SLC25A27: variants seen among roughly 807,000 people sequenced by gnomAD.
The protein encoded by SLC25A27 is solute carrier family 25 member 27.
In SLC25A27, 35 loss-of-function variants were observed where a neutral mutation model predicts 49.1. That is an observed-to-expected ratio of 0.71 (90% confidence interval 0.54 to 0.95). The LOEUF (loss-of-function observed/expected upper bound fraction) is 0.95. Among genes scored for constraint, SLC25A27 ranks in the 40% least tolerant of loss-of-function variants. The probability of loss-of-function intolerance (pLI) is 0.00; values close to 1 mark genes in which losing one functional copy is unlikely to be tolerated. For synonymous variants in SLC25A27, 144 were observed against 136.9 expected (o/e 1.05, Z -0.36); for missense variants, 339 against 397.1 (o/e 0.85, Z 1.24).
intron 1 of SLC25A27, among the ~76,000 whole-genome samples, chr6:46,655,531 GTTTGTTTTTTTTTTTTTTTTTTTTTTTT>G (rs1399035854): frequency 5.1e-5 from 5 of 98,548 alleles, no homozygotes; most frequent in African/African-American, 1.5e-4. Context: ...TATTGTTAAT[GTTTGTTTTTTTTTTTTTTTTTTTTTTTT>G]TTTTTTTTTT....
At chr6:46,669,500 T>C (rs1763442259) in intron 6 of SLC25A27, among the ~76,000 whole-genome samples, 1 of 152,212 alleles carries the variant, frequency 6.6e-6, no homozygotes, top group Non-Finnish European at 1.5e-5. Context: ...TAAAACTTCC[T>C]ATGCTATTTA....
intron 4 of SLC25A27, 91 bp downstream of exon 4, chr6:46,662,589 C>A: frequency 7.5e-7 from 1 of 1,338,940 alleles, no homozygotes; most frequent in South Asian, 1.4e-5. Context: ...ATCCAGTATG[C>A]AGTAAAGATA....
chr6:46,675,877 G>A (rs1472979165), intron 8 of SLC25A27, among the ~76,000 whole-genome samples: 1 of 152,092 alleles, frequency 6.6e-6, no homozygotes, highest in Non-Finnish European at 1.5e-5. Flanking sequence ...GAGACATCAG[G>A]TGTTGGTTTT....
Position 46,653,248 on chromosome 6 carries a change from G to T in SLC25A27, c.56G>T (p.Arg19Leu). 1 of 1,613,682 alleles carries T rather than the reference G, an allele frequency of 6.2e-7. No homozygotes were observed. The change falls in exon 1 of 9, where the codon CGA (arginine) becomes CTA (leucine). Residue 19 changes from arginine (R) to leucine (L), a missense_variant. Arg to Leu is a moderately radical substitution (Grantham distance 102). Coordinates refer to ENST00000371347, the MANE Select transcript of SLC25A27 (RefSeq NM_004277.5). ...RLLPLTQRWP[R>L]ASKFLLSGCA... Reference sequence around the variant, plus strand: ...TTGCCGCTGACCCAGAGATGGCCCCGAGCGAGCAAATTCCTACTGTCCGGC... The same window carrying T: ...TTGCCGCTGACCCAGAGATGGCCCCTAGCGAGCAAATTCCTACTGTCCGGC...
At position 46,676,677 on chromosome 6, in the gene SLC25A27, A is replaced by T; in HGVS notation, c.*223A>T. On this transcript the variant is annotated 3_prime_UTR_variant, in exon 9 of 9. Coordinates refer to ENST00000371347, the MANE Select transcript of SLC25A27 (RefSeq NM_004277.5). ...TGGTCGGATCTCACAAGGCCATCCA[A>T]TGAGACCCCGCACAGCATTTTCTAA... 1 of 1,550,722 alleles carries T rather than the reference A, an allele frequency of 6.4e-7. No individual in the cohort carries two copies. The highest frequency in any genetic ancestry group is 1.2e-5 in the South Asian group (1 of 84,054).
chr6:46,660,255 TAG>T (rs1204203616), intron 3 of SLC25A27, among the ~76,000 whole-genome samples: 22 of 151,024 alleles, frequency 1.5e-4, no homozygotes, highest in Admixed American at 4.0e-4. Flanking sequence ...TGTGTGTGTA[TAG>T]AGAGAGAGAG....
At position 46,678,031 on chromosome 6, in the gene SLC25A27, T is replaced by TATATATATATATATATAC. The variant is rs1763862980; in HGVS notation, c.*1594_*1595insCATATATATATATATATA. 1.1e-4 allele frequency: 1 copy of TATATATATATATATATAC among 8,984 alleles called. No homozygotes were observed. The highest frequency in any genetic ancestry group is 1.9e-3 in the Admixed American group (1 of 530). 0.6% of individuals were successfully genotyped at this position (8,984 alleles called of 1,614,324 possible). ...AATATGTAATTGCGTTGTAAAATAT[T>TATATATATATATATATAC]ATATATATATATATATATATATATA... On this transcript the variant is annotated 3_prime_UTR_variant, in exon 9 of 9. Coordinates refer to ENST00000371347, the MANE Select transcript of SLC25A27 (RefSeq NM_004277.5).
intron 2 of SLC25A27, chr6:46,658,570 A>G (rs1157420295): frequency 2.4e-6 from 1 of 422,046 alleles, no homozygotes; most frequent in South Asian, 1.7e-5. Flanking sequence ...ACAAACACAT[A>G]GAGCCTGCCT....
chr6:46,666,658 T>C (rs1477725019), intron 5 of SLC25A27, among the ~76,000 whole-genome samples: 4 of 152,204 alleles, frequency 2.6e-5, no homozygotes, highest in Non-Finnish European at 5.9e-5. Flanking sequence ...AGCTATTTAC[T>C]CAGTATCTTC....
At position 46,671,147 on chromosome 6, in the gene SLC25A27, G is replaced by C. The variant is rs753068639; in HGVS notation, c.819G>C (p.Ser273=). 6.3e-7 allele frequency: 1 copy of C among 1,599,220 alleles called. No individual in the cohort carries two copies. Residue 273 remains serine, a synonymous_variant, in exon 8 of 9, where the codon TCG becomes TCC. Transcript: ENST00000371347. The stretch of plus-strand genomic sequence containing the variant: ...TTAGGGGACTTTTGTATAAATCATC[G>C]ACTGACTGCTTGATTCAGGCTGTTC... ...KQGRGLLYKS[S]TDCLIQAVQG...
intron 1 of SLC25A27, among the ~76,000 whole-genome samples, chr6:46,654,541 T>C (rs914401478): frequency 6.6e-6 from 1 of 152,208 alleles, no homozygotes; most frequent in Admixed American, 6.5e-5. Context: ...GGACTATTCC[T>C]CGTTAAAAAT....
intron 5 of SLC25A27, among the ~76,000 whole-genome samples, chr6:46,666,114 A>G (rs1370293422): frequency 6.6e-6 from 1 of 151,992 alleles, no homozygotes; most frequent in Non-Finnish European, 1.5e-5. Context: ...CTCCTCTCCT[A>G]CATAGTTTTC....
At chr6:46,673,403 C>G (rs1244465146) in intron 8 of SLC25A27, among the ~76,000 whole-genome samples, 1 of 152,180 alleles carries the variant, frequency 6.6e-6, no homozygotes, top group Non-Finnish European at 1.5e-5. Context: ...CCCAATAACA[C>G]AGCCTTATTA....
chr6:46,659,378 C>T (rs564218346), intron 3 of SLC25A27, among the ~76,000 whole-genome samples: 50 of 152,236 alleles, frequency 3.3e-4, no homozygotes, highest in African/African-American at 1.0e-3. Flanking sequence ...ACTGTATAAC[C>T]TGGACAAACT....
rs781682308 is a variant in SLC25A27 at position 46,653,283 on chromosome 6, A to G, written c.91A>G (p.Thr31Ala). The G allele has an allele frequency of 3.1e-6, 5 of 1,612,468 alleles. No individual in the cohort carries two copies. The South Asian group carries it at 5.5e-5, about 18-fold the overall frequency. ...SKFLLSGCAATVAELATFPLD... is the reference protein window; with the variant it reads ...SKFLLSGCAAAVAELATFPLD... ...ATTCCTACTGTCCGGCTGCGCGGCTACCGTGGCCGAGCTAGGTACCCGGCT... is the reference window on the plus strand; with the variant it reads ...ATTCCTACTGTCCGGCTGCGCGGCTGCCGTGGCCGAGCTAGGTACCCGGCT... The change falls in exon 1 of 9, where the codon ACC becomes GCC. Residue 31 changes from threonine to alanine, a missense_variant. Transcript: ENST00000371347.
Position 46,671,176 on chromosome 6 carries a change from G to T in SLC25A27, c.848G>T (p.Gly283Val). Residue 283 changes from glycine to valine, a missense_variant, in exon 8 of 9, where the codon GGT becomes GTT. Physicochemically the swap from Gly to Val is moderately radical, Grantham distance 109. Transcript: ENST00000371347. The stretch of plus-strand genomic sequence containing the variant: ...GACTGCTTGATTCAGGCTGTTCAAG[G>T]TGAAGGATTCATGAGTCTATATAAA... ...STDCLIQAVQ[G>V]EGFMSLYKGF... The T allele has an allele frequency of 1.2e-6, 2 of 1,603,026 alleles. No individual in the cohort carries two copies. Among genetic ancestry groups the T allele is most frequent in the Non-Finnish European group, 1.7e-6 (2 of 1,175,670 alleles).
At chr6:46,665,904 C>T (rs1318329064) in intron 5 of SLC25A27, among the ~76,000 whole-genome samples, 5 of 152,172 alleles carry the variant, frequency 3.3e-5, no homozygotes, top group African/African-American at 1.2e-4. Flanking sequence ...TAAAACTTGT[C>T]ACTGGCTTAT....
In SLC25A27 at chr6:46,671,187, A is replaced by G. The variant is rs746515242; in HGVS notation, c.859A>G (p.Met287Val). ...LIQAVQGEGF[M>V]SLYKGFLPSW... is the part of the protein sequence containing the mutation. ...TCAGGCTGTTCAAGGTGAAGGATTCATGAGTCTATATAAAGGCTTTTTACC... is the reference window on the plus strand; with the variant it reads ...TCAGGCTGTTCAAGGTGAAGGATTCGTGAGTCTATATAAAGGCTTTTTACC... The change falls in exon 8 of 9, where the codon ATG becomes GTG. Residue 287 changes from methionine to valine, a missense_variant. Transcript: ENST00000371347. The G allele has an allele frequency of 6.2e-7, 1 of 1,602,686 alleles. No individual in the cohort carries two copies. The highest frequency in any genetic ancestry group is 1.7e-5 in the Admixed American group (1 of 58,058).
At chr6:46,653,455 G>T (rs1762840339) in intron 1 of SLC25A27, 157 bp downstream of exon 1, 1 of 985,296 alleles carries the variant, frequency 1.0e-6, no homozygotes, top group African/African-American at 1.7e-5. Flanking sequence ...GGCCCGCGGT[G>T]GGAGGAGGAG....
Sources: allele counts gnomAD v4.1 joint callset (sites outside exome capture counted in the v4.1 genomes callset), GRCh38; gene constraint gnomAD v4.1.1; transcripts MANE v1.5; gene names NCBI Gene and HGNC (gene_info 2026-07-23, HGNC 2026-07-21).